Variants in PAPPA2 observed in about 807,000 individuals in gnomAD.
The protein encoded by PAPPA2 is pappalysin-2.
A neutral mutation model predicts 176.4 loss-of-function variants in PAPPA2; 86 were observed. That is an observed-to-expected ratio of 0.49 (90% CI 0.41 to 0.58). The LOEUF (loss-of-function observed/expected upper bound fraction) is 0.58. Among genes scored for constraint, PAPPA2 ranks in the 20% least tolerant of loss-of-function variants. PAPPA2 has a pLI of 0.00. For synonymous variants in PAPPA2, 809 were observed against 852.2 expected (o/e 0.95, Z 0.88); for missense variants, 2,073 against 2,256.9 (o/e 0.92, Z 1.65).
At chr1:176,655,756 G>A (rs1273285136) in intron 3 of PAPPA2, among the ~76,000 whole-genome samples, 1 of 151,742 alleles carries the variant, frequency 6.6e-6, no homozygotes, top group Non-Finnish European at 1.5e-5. Flanking sequence ...TGGGCGATAG[G>A]CACATTAAAA....
chr1:176,613,333 A>T (rs1344277168), intron 3 of PAPPA2, among the ~76,000 whole-genome samples: 1 of 152,236 alleles, frequency 6.6e-6, no homozygotes, highest in African/African-American at 2.4e-5. Context: ...ACAGAACTTC[A>T]CTGCTGGACC....
chr1:176,712,811 A>G (rs563641445), intron 12 of PAPPA2, among the ~76,000 whole-genome samples: 1 of 152,182 alleles, frequency 6.6e-6, no homozygotes, highest in African/African-American at 2.4e-5. Flanking sequence ...GAGTGTTTCA[A>G]ATGTTTCACA....
chr1:176,699,455 A>G lies in PAPPA2; in HGVS notation c.3102A>G (p.Ala1034=). The change falls in exon 8 of 23, where the codon GCA becomes GCG. Residue 1034 remains alanine, a synonymous_variant. Coordinates refer to ENST00000367662, the MANE Select transcript of PAPPA2 (RefSeq NM_020318.3). ...ATGAGAGGATAGAGATTGATGCAGCACTCCTGACTTCTCAGCCCCACAGTC... is the reference window on the plus strand; with the variant it reads ...ATGAGAGGATAGAGATTGATGCAGCGCTCCTGACTTCTCAGCCCCACAGTC... ...TFDERIEIDA[A]LLTSQPHSPL... The G allele has an allele frequency of 6.2e-7, 1 of 1,613,764 alleles. No homozygotes were observed. The highest frequency in any genetic ancestry group is 1.7e-5 in the Admixed American group (1 of 59,968).
chr1:176,572,020 G>C (rs1368476940), intron 2 of PAPPA2, among the ~76,000 whole-genome samples: 1 of 152,182 alleles, frequency 6.6e-6, no homozygotes, highest in Non-Finnish European at 1.5e-5. Flanking sequence ...TCACAGGCCA[G>C]GTGACAACCC....
intron 2 of PAPPA2, among the ~76,000 whole-genome samples, chr1:176,567,564 G>A (rs1203590474): frequency 4.6e-5 from 7 of 152,202 alleles, no homozygotes; most frequent in Admixed American, 1.3e-4. Flanking sequence ...TATTTATTGA[G>A]CTTCTATTAA....
intron 1 of PAPPA2, among the ~76,000 whole-genome samples, chr1:176,471,307 C>T (rs1045712296): frequency 1.3e-5 from 2 of 152,168 alleles, no homozygotes; most frequent in Non-Finnish European, 2.9e-5. Context: ...TCATTCCCAA[C>T]TCTCATTTGC....
intron 3 of PAPPA2, among the ~76,000 whole-genome samples, chr1:176,619,100 T>C (rs1033466984): frequency 1.2e-4 from 18 of 152,116 alleles, no homozygotes; most frequent in African/African-American, 4.3e-4. Context: ...CAGGACATAC[T>C]TCATACGGGT....
chr1:176,607,650 G>A (rs1654690835), intron 3 of PAPPA2, among the ~76,000 whole-genome samples: 1 of 152,084 alleles, frequency 6.6e-6, no homozygotes, highest in Non-Finnish European at 1.5e-5. Flanking sequence ...AAATGTATAT[G>A]ACTACTTGTA....
intron 2 of PAPPA2, among the ~76,000 whole-genome samples, chr1:176,582,174 G>T (rs191607482): frequency 1.3e-5 from 2 of 151,904 alleles, no homozygotes; most frequent in African/African-American, 4.8e-5. Flanking sequence ...TGATCCACCC[G>T]CCTCGGCCTC....
intron 12 of PAPPA2, among the ~76,000 whole-genome samples, chr1:176,736,931 C>T (rs2102869928): frequency 6.6e-6 from 1 of 151,988 alleles, no homozygotes; most frequent in Admixed American, 6.6e-5. Flanking sequence ...CAAGTATCAA[C>T]TGAAAATAGC....
rs547182633 is a variant in PAPPA2, at chr1:176,469,923, A to G, written c.-917+6505A>G. 2.0e-5 allele frequency among the ~76,000 whole-genome samples: 3 copies of G among 152,224 alleles called. 1 individual carries two copies. The highest frequency in any genetic ancestry group is 4.8e-5 in the African/African-American group (2 of 41,540). On this transcript the variant is annotated intron_variant, in intron 1 of 22. Transcript: ENST00000367662. ...TGGGCTGAAATGTGTACTGCTGGCC[A>G]TTGGTTCCCATTCCATGTTGATACT... is the stretch of plus-strand genomic sequence containing the variant.
chr1:176,834,275 C>T lies in PAPPA2; in HGVS notation c.5203-5898C>T, dbSNP rs184034579. Among the ~76,000 whole-genome samples, 146 of 152,240 alleles carry T rather than the reference C, an allele frequency of 9.6e-4. 1 individual carries two copies. The highest frequency in any genetic ancestry group is 3.4e-3 in the African/African-American group (140 of 41,526). On this transcript the variant is annotated intron_variant, in intron 21 of 22. Coordinates refer to ENST00000367662, the MANE Select transcript of PAPPA2 (RefSeq NM_020318.3). ...AGTCCAGGAAGCCAGATGAAATTTT[C>T]CAGAGAAGATTGTTCCTAAGAAACT... is the stretch of plus-strand genomic sequence containing the variant.
chr1:176,645,482 C>A (rs1464519640), intron 3 of PAPPA2, among the ~76,000 whole-genome samples: 1 of 151,748 alleles, frequency 6.6e-6, no homozygotes, highest in Non-Finnish European at 1.5e-5. Flanking sequence ...TTTTCTTATC[C>A]ATTCATCCTT....
In PAPPA2 at chr1:176,690,347, G is replaced by T; in HGVS notation, c.2348G>T (p.Cys783Phe). ...DTAPTPKSEL[C>F]REPEPTSDTC... ...GCCCCCACTCCCAAGAGTGAGCTGTGCCGGGAACCAGAGCCCACTAGTGAC... is the reference window on the plus strand; with the variant it reads ...GCCCCCACTCCCAAGAGTGAGCTGTTCCGGGAACCAGAGCCCACTAGTGAC... Residue 783 changes from cysteine (C) to phenylalanine (F), a missense_variant, in exon 5 of 23, where the codon TGC becomes TTC. Physicochemically the swap from Cys to Phe is radical, Grantham distance 205. Around this residue, in one of 4 missense-constraint regions of PAPPA2, gnomAD observed 1,196 missense variants for 1,330.4 expected, o/e 0.90. Transcript: ENST00000367662. The T allele has an allele frequency of 5.0e-6, 8 of 1,614,192 alleles. No homozygotes were observed. Among genetic ancestry groups the T allele is most frequent in the East Asian group, 2.2e-5 (1 of 44,866 alleles).
At position 176,594,854 on chromosome 1, in the gene PAPPA2, A is replaced by G; in HGVS notation, c.1250A>G (p.His417Arg). 6.2e-6 allele frequency: 10 copies of G among 1,614,226 alleles called. No individual in the cohort carries two copies. Among genetic ancestry groups the G allele is most frequent in the Non-Finnish European group, 7.6e-6 (9 of 1,180,036 alleles). ...LLGGDSSEDG[H>R]YFRGHLGTLV... The stretch of plus-strand genomic sequence containing the variant: ...GGGGGAGACAGCTCTGAGGATGGGC[A>G]CTATTTCCGTGGACACCTGGGCACA... The change falls in exon 3 of 23, where the codon CAC becomes CGC. Residue 417 changes from histidine (H) to arginine (R), a missense_variant. Coordinates refer to ENST00000367662, the MANE Select transcript of PAPPA2 (RefSeq NM_020318.3).
intron 4 of PAPPA2, among the ~76,000 whole-genome samples, chr1:176,686,349 T>C (rs187417904): frequency 1.6e-4 from 24 of 152,250 alleles, no homozygotes; most frequent in Admixed American, 1.3e-3. Flanking sequence ...CAGACACTTA[T>C]AAAACTATGA....
chr1:176,550,988 G>T (rs377068084), intron 1 of PAPPA2, among the ~76,000 whole-genome samples: 6 of 152,222 alleles, frequency 3.9e-5, no homozygotes, highest in African/African-American at 1.4e-4. Context: ...AAGACAGTGC[G>T]TAGCCAGAGA....
intron 21 of PAPPA2, among the ~76,000 whole-genome samples, chr1:176,808,176 T>G (rs1665989776): frequency 6.6e-6 from 1 of 152,064 alleles, no homozygotes; most frequent in African/African-American, 2.4e-5. Context: ...TTATATAGGG[T>G]GCGGGGTATT....
At chr1:176,605,514 A>C (rs77813145) in intron 3 of PAPPA2, among the ~76,000 whole-genome samples, 2 of 152,176 alleles carry the variant, frequency 1.3e-5, no homozygotes, top group African/African-American at 4.8e-5. Context: ...GATTACTCAT[A>C]GTTTCTGCTC....
Sources: allele counts gnomAD v4.1 joint callset (sites outside exome capture counted in the v4.1 genomes callset), GRCh38; gene constraint gnomAD v4.1.1; regional missense constraint gnomAD v4.1.1; transcripts MANE v1.5; gene names NCBI Gene and HGNC (gene_info 2026-07-23, HGNC 2026-07-21).